Variants in NRG3 observed in about 807,000 individuals in gnomAD.
The protein encoded by NRG3 is neuregulin 3.
NRG3 carries 31 observed loss-of-function variants against 66.9 expected under a neutral mutation model. The ratio of observed to expected loss-of-function variants is 0.46; its 90% CI spans 0.35 to 0.63. NRG3 has a LOEUF of 0.63. Among genes scored for constraint, NRG3 ranks in the 20% least tolerant of loss-of-function variants. The pLI is 0.00. For missense variants in NRG3, 910 were observed against 878.9 expected, an observed-to-expected ratio of 1.04 and a Z score of -0.45; for synonymous variants, 393 against 359.4, an observed-to-expected ratio of 1.09 and a Z score of -1.06.
chr10:82,549,791 T>C (rs2044179652), intron 2 of NRG3, among the ~76,000 whole-genome samples: 1 of 152,128 alleles, frequency 6.6e-6, no homozygotes, highest in African/African-American at 2.4e-5. Flanking sequence ...GAGTTATCAG[T>C]GGTCAATAAG....
intron 2 of NRG3, among the ~76,000 whole-genome samples, chr10:82,424,344 T>C (rs763982377): frequency 6.6e-6 from 1 of 152,082 alleles, no homozygotes; most frequent in Non-Finnish European, 1.5e-5. Flanking sequence ...TTAATCATCC[T>C]ATTGGATGTG....
intron 1 of NRG3, among the ~76,000 whole-genome samples, chr10:81,878,468 G>C (rs952262217): frequency 6.6e-6 from 1 of 152,136 alleles, no homozygotes; most frequent in African/African-American, 2.4e-5. Context: ...GAAGAAAGAG[G>C]ATAGTTTAGT....
intron 1 of NRG3, among the ~76,000 whole-genome samples, chr10:82,079,093 G>T (rs529398209): frequency 6.6e-6 from 1 of 151,106 alleles, no homozygotes; most frequent in African/African-American, 2.4e-5. Flanking sequence ...TTGAGATGGA[G>T]TTCCACTCTT....
chr10:82,643,509 C>A (rs1230964490), intron 2 of NRG3, among the ~76,000 whole-genome samples: 1 of 151,988 alleles, frequency 6.6e-6, no homozygotes, highest in Non-Finnish European at 1.5e-5. Flanking sequence ...CTGACTGATA[C>A]CACATGATTG....
chr10:82,035,051 C>T lies in NRG3; in HGVS notation c.823+158888C>T, dbSNP rs140788653. On this transcript the variant is annotated intron_variant, in intron 1 of 8. Coordinates refer to ENST00000372141, the MANE Select transcript of NRG3 (RefSeq NM_001010848.4). ...TGTTCATGGTTCTGAATAGAGTTGG[C>T]GCATATATAGTGGGTTTGATTTTCT... 5.9e-5 allele frequency among the ~76,000 whole-genome samples: 9 copies of T among 152,136 alleles called. No individual in the cohort carries two copies. In the East Asian group the frequency reaches 7.8e-4, roughly 13 times the overall value.
chr10:81,988,525 C>G (rs1158318424), intron 1 of NRG3, among the ~76,000 whole-genome samples: 1 of 152,158 alleles, frequency 6.6e-6, no homozygotes, highest in Non-Finnish European at 1.5e-5. Context: ...TCCAGTCCCT[C>G]TTAATTAAAT....
chr10:82,046,104 G>A (rs1737096509), intron 1 of NRG3, among the ~76,000 whole-genome samples: 1 of 143,068 alleles, frequency 7.0e-6, no homozygotes, highest in Non-Finnish European at 1.5e-5. Flanking sequence ...ATTCTGTGAA[G>A]AAAGTCATTG....
chr10:81,940,801 G>A (rs1296881591), intron 1 of NRG3, among the ~76,000 whole-genome samples: 1 of 152,036 alleles, frequency 6.6e-6, no homozygotes, highest in African/African-American at 2.4e-5. Context: ...ATAATGGGGA[G>A]CAGACTGCAT....
chr10:82,677,354 A>T (rs1382298562), intron 2 of NRG3, among the ~76,000 whole-genome samples: 1 of 152,058 alleles, frequency 6.6e-6, no homozygotes, highest in African/African-American at 2.4e-5. Flanking sequence ...AATTAGTTTC[A>T]TTTGAGTTTA....
rs570625335 is a variant in NRG3 at position 82,747,804 on chromosome 10, G to A, written c.1027+9154G>A. The stretch of plus-strand genomic sequence containing the variant: ...ATTTTTTGAAGCATACAAAAGTTTT[G>A]CCTTTTATGGAGTCAAATCTATTAG... On this transcript the variant is annotated intron_variant, in intron 3 of 8. Transcript: ENST00000372141. Among the ~76,000 whole-genome samples, 111 of 151,758 alleles carry A rather than the reference G, an allele frequency of 7.3e-4. 2 individuals are homozygous for A. Among genetic ancestry groups the A allele is most frequent in the Non-Finnish European group, 4.4e-5 (3 of 67,848 alleles).
chr10:82,052,052 G>A (rs949861551), intron 1 of NRG3, among the ~76,000 whole-genome samples: 2 of 145,544 alleles, frequency 1.4e-5, no homozygotes, highest in Non-Finnish European at 1.5e-5. Flanking sequence ...TTTTTGGTAC[G>A]CTAACAGCTC....
intron 1 of NRG3, among the ~76,000 whole-genome samples, chr10:81,989,197 A>G (rs2060641212): frequency 6.6e-6 from 1 of 152,110 alleles, no homozygotes; most frequent in Admixed American, 6.6e-5. Context: ...GAGTACGGAG[A>G]GTTTTTTTGG....
Position 82,807,483 on chromosome 10 carries a change from G to A in NRG3, c.1028-57928G>A, listed in dbSNP as rs183447759. On this transcript the variant is annotated intron_variant, in intron 3 of 8. Coordinates refer to ENST00000372141, the MANE Select transcript of NRG3 (RefSeq NM_001010848.4). ...CTATGTAAAGTTCAGAGGCCTCCAT[G>A]AGTCCAGAATACATAATTACATGAA... Among the ~76,000 whole-genome samples, 3 of 152,290 alleles carry A rather than the reference G, an allele frequency of 2.0e-5. No homozygotes were observed. In the East Asian group the frequency reaches 5.8e-4, roughly 29 times the overall value.
chr10:81,951,541 A>G (rs1849356310), intron 1 of NRG3, among the ~76,000 whole-genome samples: 1 of 152,196 alleles, frequency 6.6e-6, no homozygotes, highest in Non-Finnish European at 1.5e-5. Flanking sequence ...GGAGAATTCA[A>G]CTGCTCCTAG....
At chr10:82,363,700 A>T (rs560830706) in intron 2 of NRG3, among the ~76,000 whole-genome samples, 26 of 151,588 alleles carry the variant, frequency 1.7e-4, no homozygotes, top group Middle Eastern at 3.4e-3. Flanking sequence ...CTCGTGATCC[A>T]CCCACCTCAG....
intron 3 of NRG3, among the ~76,000 whole-genome samples, chr10:82,750,762 T>G (rs114596975): frequency 0.023 from 3,553 of 152,254 alleles, 138 homozygotes; most frequent in African/African-American, 0.079. Flanking sequence ...TCAAAGGGCC[T>G]TTTGATATGG....
intron 1 of NRG3, among the ~76,000 whole-genome samples, chr10:81,887,586 A>G (rs1842712916): frequency 6.6e-6 from 1 of 152,132 alleles, no homozygotes; most frequent in South Asian, 2.1e-4. Context: ...TCCCAGAATC[A>G]TAAGATATTT....
intron 2 of NRG3, among the ~76,000 whole-genome samples, chr10:82,392,588 T>C (rs1053131106): frequency 2.0e-5 from 3 of 152,212 alleles, no homozygotes; most frequent in African/African-American, 7.2e-5. Context: ...TTTAGTTAAC[T>C]CTTATTTCCT....
chr10:82,910,657 T>C (rs950800272), intron 4 of NRG3, among the ~76,000 whole-genome samples: 5 of 152,192 alleles, frequency 3.3e-5, no homozygotes, highest in African/African-American at 1.2e-4. Context: ...GTTCTGTTCA[T>C]CCTCCAGCTG....
Sources: allele counts gnomAD v4.1 joint callset (sites outside exome capture counted in the v4.1 genomes callset), GRCh38; gene constraint gnomAD v4.1.1; transcripts MANE v1.5; gene names NCBI Gene and HGNC (gene_info 2026-07-23, HGNC 2026-07-21).